Variants in USH2A observed in about 807,000 individuals in gnomAD.
The protein encoded by USH2A is Usher syndrome 2A (autosomal recessive, mild).
A neutral mutation model predicts 538.9 loss-of-function variants in USH2A; 443 were observed. That is an observed-to-expected ratio of 0.82 (90% CI 0.76 to 0.89). The LOEUF (loss-of-function observed/expected upper bound fraction) is 0.89. Ranked by LOEUF, USH2A falls within the 40% of genes least tolerant of loss-of-function variation. The pLI is 0.00. For missense variants in USH2A, 6,633 were observed against 6,324.8 expected (o/e 1.05, Z -1.65); for synonymous variants, 2,413 against 2,273.5 (o/e 1.06, Z -1.75).
chr1:216,082,561 T>C (rs931816879), intron 26 of USH2A, among the ~76,000 whole-genome samples: 2 of 152,096 alleles, frequency 1.3e-5, no homozygotes, highest in African/African-American at 4.8e-5. Context: ...GGGTAAGATG[T>C]TCATATTTTT....
chr1:215,782,142 G>A lies in USH2A; in HGVS notation c.10640C>T (p.Thr3547Ile), dbSNP rs746795685. 5 of 1,613,944 alleles carry A rather than the reference G, an allele frequency of 3.1e-6. No individual in the cohort carries two copies. The South Asian group carries it at 4.4e-5, about 14-fold the overall frequency. The stretch of plus-strand genomic sequence containing the variant: ...CTCTTTATCAGAGAAGCTCAGTGAT[G>A]TTCCCCGAAAACGTTCAATTCCATT... ...LRNGIERFRG[T>I]SLSFSDKEGI... The change falls in exon 54 of 72, where the codon ACA (threonine) becomes ATA (isoleucine). Residue 3547 changes from threonine to isoleucine, a missense_variant. Thr to Ile is a moderately conservative substitution (Grantham distance 89). Transcript: ENST00000307340.
chr1:216,412,638 C>T lies in USH2A; in HGVS notation c.651+5876G>A, dbSNP rs1203360892. On this transcript the variant is annotated intron_variant, in intron 3 of 71. Coordinates refer to ENST00000307340, the MANE Select transcript of USH2A (RefSeq NM_206933.4). The stretch of plus-strand genomic sequence containing the variant: ...TGAAGCATTGAAAATATTTATATTA[C>T]AAATATGTATAAATATACAAAATTA... Among the ~76,000 whole-genome samples, 3 of 151,004 alleles carry T rather than the reference C, an allele frequency of 2.0e-5. No homozygotes were observed. In the East Asian group the frequency reaches 5.8e-4, roughly 29 times the overall value.
intron 58 of USH2A, among the ~76,000 whole-genome samples, chr1:215,755,944 T>C (rs1161941930): frequency 2.6e-5 from 4 of 152,098 alleles, no homozygotes; most frequent in African/African-American, 4.8e-5. Flanking sequence ...GTCTTGAAAA[T>C]TTACTAATCC....
At chr1:215,826,256 G>T in intron 47 of USH2A, among the ~76,000 whole-genome samples, 1 of 152,164 alleles carries the variant, frequency 6.6e-6, no homozygotes, top group East Asian at 1.9e-4. Context: ...AGAGTCTTTG[G>T]AATGTTCTGC....
At chr1:215,726,891 C>T (rs1372586355) in intron 61 of USH2A, among the ~76,000 whole-genome samples, 1 of 152,164 alleles carries the variant, frequency 6.6e-6, no homozygotes, top group Non-Finnish European at 1.5e-5. Context: ...GTGTAGTGGA[C>T]ATTATAGGCT....
At chr1:215,978,234 T>G (rs552620427) in intron 35 of USH2A, among the ~76,000 whole-genome samples, 6 of 152,294 alleles carry the variant, frequency 3.9e-5, no homozygotes, top group Non-Finnish European at 8.8e-5. Flanking sequence ...AAATAAGAAT[T>G]GTTGTTGTCA....
intron 49 of USH2A, among the ~76,000 whole-genome samples, chr1:215,803,750 C>T (rs1662408746): frequency 6.6e-6 from 1 of 152,072 alleles, no homozygotes; most frequent in Non-Finnish European, 1.5e-5. Flanking sequence ...ATCAAGCTAC[C>T]AATGACTTTC....
chr1:216,334,584 C>T (rs1404074814), intron 4 of USH2A, among the ~76,000 whole-genome samples: 2 of 151,794 alleles, frequency 1.3e-5, no homozygotes, highest in African/African-American at 4.8e-5. Context: ...CTGCAAGAGA[C>T]AAACTCTACA....
At chr1:216,107,226 C>T (rs1020456875) in intron 21 of USH2A, among the ~76,000 whole-genome samples, 3 of 151,704 alleles carry the variant, frequency 2.0e-5, no homozygotes, top group Non-Finnish European at 4.4e-5. Flanking sequence ...CTAAGAAAGT[C>T]ATTTAAAAAT....
At chr1:216,088,961 G>T in intron 23 of USH2A, 52 bp downstream of exon 23, 1 of 1,607,936 alleles carries the variant, frequency 6.2e-7, no homozygotes, top group Non-Finnish European at 8.5e-7. Flanking sequence ...AGAAAAGTAT[G>T]GCAACACCAA....
chr1:216,341,202 T>C lies in USH2A; in HGVS notation c.785-13548A>G, dbSNP rs188741033. 2.6e-5 allele frequency among the ~76,000 whole-genome samples: 4 copies of C among 151,702 alleles called. 1 individual carries two copies. Among genetic ancestry groups the C allele is most frequent in the Admixed American group, 6.6e-5 (1 of 15,206 alleles). ...CACAAGCATTTCTATACACCAAAAA[T>C]AGACAAGCAGAGAACCAAATCATGA... is the stretch of plus-strand genomic sequence containing the variant. On this transcript the variant is annotated intron_variant, in intron 4 of 71. Coordinates refer to ENST00000307340, the MANE Select transcript of USH2A (RefSeq NM_206933.4).
chr1:215,751,938 G>T (rs975650100), intron 58 of USH2A, among the ~76,000 whole-genome samples: 1 of 152,110 alleles, frequency 6.6e-6, no homozygotes, highest in Admixed American at 6.5e-5. Flanking sequence ...CAACTAAATA[G>T]TGAAGCCCAT....
chr1:216,133,896 T>A (rs1274585883), intron 21 of USH2A, among the ~76,000 whole-genome samples: 2 of 152,134 alleles, frequency 1.3e-5, no homozygotes, highest in Non-Finnish European at 2.9e-5. Flanking sequence ...GCTTAATTTC[T>A]TTTTTCTTAT....
At chr1:215,863,928 T>G (rs1420081546) in intron 44 of USH2A, among the ~76,000 whole-genome samples, 1 of 152,146 alleles carries the variant, frequency 6.6e-6, no homozygotes, top group Non-Finnish European at 1.5e-5. Flanking sequence ...TGGGGTGAGC[T>G]CTTGACAGAC....
intron 16 of USH2A, among the ~76,000 whole-genome samples, chr1:216,203,718 A>G (rs551332674): frequency 6.6e-6 from 1 of 152,350 alleles, no homozygotes; most frequent in Non-Finnish European, 1.5e-5. Flanking sequence ...ATAATTTTAA[A>G]GATGGAAATG....
At chr1:215,718,234 T>G (rs1424418510) in intron 61 of USH2A, among the ~76,000 whole-genome samples, 1 of 152,234 alleles carries the variant, frequency 6.6e-6, no homozygotes. Context: ...TCATTGCATT[T>G]GGATTAAAAA....
At chr1:216,032,986 C>G (rs904516523) in intron 32 of USH2A, among the ~76,000 whole-genome samples, 1 of 152,168 alleles carries the variant, frequency 6.6e-6, no homozygotes, top group African/African-American at 2.4e-5. Context: ...TTCTGATTTA[C>G]AGAACTTTGA....
At chr1:215,930,972 AAT>A (rs1469610934) in intron 38 of USH2A, among the ~76,000 whole-genome samples, 1 of 151,992 alleles carries the variant, frequency 6.6e-6, no homozygotes, top group Non-Finnish European at 1.5e-5. Context: ...CTTAGTGCTA[AAT>A]ATGAGCATTA....
At chr1:216,010,491 T>C (rs539927582) in intron 32 of USH2A, among the ~76,000 whole-genome samples, 9 of 151,964 alleles carry the variant, frequency 5.9e-5, no homozygotes, top group South Asian at 4.2e-4. Context: ...CCGATCGCCT[T>C]GGAAGCCCCC....
Sources: gnomAD v4.1 joint callset for allele counts (sites outside exome capture counted in the v4.1 genomes callset) on GRCh38, gnomAD v4.1.1 for gene constraint, MANE v1.5 for transcripts, NCBI Gene and HGNC (gene_info 2026-07-23, HGNC 2026-07-21) for gene names.